The following YY1 variants were observed in gnomAD, a reference collection of about 807,000 sequenced individuals.
YY1 encodes transcriptional repressor protein YY1.
YY1 carries 2 observed loss-of-function variants against 35.6 expected under a neutral mutation model. That is an observed-to-expected ratio of 0.06 (90% CI 0.02 to 0.18). The LOEUF (loss-of-function observed/expected upper bound fraction) is 0.18. Ranked by LOEUF, YY1 falls within the 10% of genes least tolerant of loss-of-function variation. YY1 has a pLI of 1.00. For synonymous variants in YY1, 268 were observed against 238.9 expected, an observed-to-expected ratio of 1.12 and a Z score of -1.12; for missense variants, 322 against 573.4, an observed-to-expected ratio of 0.56 and a Z score of 4.48.
intron 1 of YY1, among the ~76,000 whole-genome samples, chr14:100,240,201 G>A (rs1362765241): frequency 2.1e-5 from 3 of 144,184 alleles, no homozygotes; most frequent in Non-Finnish European, 3.1e-5. Flanking sequence ...GGCGGAGACG[G>A]CCGGGGGAGG....
intron 1 of YY1, among the ~76,000 whole-genome samples, chr14:100,252,224 T>G (rs1316755703): frequency 6.6e-6 from 1 of 152,186 alleles, no homozygotes; most frequent in African/African-American, 2.4e-5. Flanking sequence ...ATTATATCTT[T>G]TTGACTGGAA....
chr14:100,245,215 C>A (rs1303857235), intron 1 of YY1, among the ~76,000 whole-genome samples: 4 of 151,616 alleles, frequency 2.6e-5, no homozygotes, highest in Non-Finnish European at 5.9e-5. Context: ...GGATTACAGG[C>A]GTGAGCCACT....
intron 2 of YY1, among the ~76,000 whole-genome samples, chr14:100,273,413 C>T (rs557514387): frequency 3.9e-5 from 6 of 152,290 alleles, no homozygotes; most frequent in South Asian, 2.1e-4. Context: ...TTCGGCTTCC[C>T]GAGTGGTTGG....
rs574973319 is a variant in YY1 at position 100,244,673 on chromosome 14, C to T, written c.679+4750C>T. 3.3e-5 allele frequency among the ~76,000 whole-genome samples: 5 copies of T among 150,912 alleles called. No individual in the cohort carries two copies. In the East Asian group the frequency reaches 5.9e-4, roughly 18 times the overall value. On this transcript the variant is annotated intron_variant, in intron 1 of 4. Transcript: ENST00000262238. ...TCACGGCTCACGGCAGCCTCAACCT[C>T]CCGGGCTGAAGCGATCCTCCCACCT...
At position 100,276,010 on chromosome 14, in the gene YY1, A is replaced by C; in HGVS notation, c.904-480A>C. The C allele has an allele frequency of 1.1e-5, 2 of 176,560 alleles. No individual in the cohort carries two copies. The highest frequency in any genetic ancestry group is 1.2e-5 in the Non-Finnish European group (1 of 82,212). 10.9% of individuals were successfully genotyped at this position (176,560 alleles called of 1,614,324 possible). ...AAGGGGAAAGAGGCAAAGAGAGAAGAGGGAACAGTAGGCGATGGAGAATGA... is the reference window on the plus strand; with the variant it reads ...AAGGGGAAAGAGGCAAAGAGAGAAGCGGGAACAGTAGGCGATGGAGAATGA... On this transcript the variant is annotated intron_variant, in intron 3 of 4. Coordinates refer to ENST00000262238, the MANE Select transcript of YY1 (RefSeq NM_003403.5). The surrounding 1 kb of genome is among the most constrained non-coding windows in gnomAD (Gnocchi z 4.1).
intron 1 of YY1, among the ~76,000 whole-genome samples, chr14:100,245,886 C>T (rs868089661): frequency 4.6e-5 from 7 of 152,114 alleles, no homozygotes; most frequent in Non-Finnish European, 8.8e-5. Context: ...GGATTACAGA[C>T]GTGAGCCACC....
chr14:100,277,957 C>T lies in YY1; in HGVS notation c.*357C>T, dbSNP rs1891349053. The T allele has an allele frequency of 4.2e-6, 1 of 236,894 alleles. No individual in the cohort carries two copies. The highest frequency in any genetic ancestry group is 5.9e-5 in the South Asian group (1 of 16,926). 14.7% of individuals were successfully genotyped at this position (236,894 alleles called of 1,614,324 possible). A position where few individuals can be genotyped will look rare whatever the true frequency, so the allele number is the denominator to read the frequency against. ...ACATTCTTATAAATATGAAGCTCAC[C>T]TGTTGCTTACAATTTTTTTAATTTT... On this transcript the variant is annotated 3_prime_UTR_variant, in exon 5 of 5. Coordinates refer to ENST00000262238, the MANE Select transcript of YY1 (RefSeq NM_003403.5). The surrounding 1 kb of genome is among the most constrained non-coding windows in gnomAD (Gnocchi z 5.6).
intron 1 of YY1, among the ~76,000 whole-genome samples, chr14:100,253,134 T>A (rs1890948447): frequency 6.6e-6 from 1 of 152,202 alleles, no homozygotes; most frequent in Non-Finnish European, 1.5e-5. Flanking sequence ...CAAGGGAAAC[T>A]CCAGCAGGGA....
chr14:100,270,544 A>G (rs1429730376), intron 2 of YY1, among the ~76,000 whole-genome samples: 1 of 151,590 alleles, frequency 6.6e-6, no homozygotes. Flanking sequence ...AATCGCTTGA[A>G]CCCAGGAGGC....
At chr14:100,258,522 A>G (rs1286978562) in intron 1 of YY1, among the ~76,000 whole-genome samples, 1 of 152,148 alleles carries the variant, frequency 6.6e-6, no homozygotes, top group Non-Finnish European at 1.5e-5. Flanking sequence ...TTAGGGGTAG[A>G]CTTCATGAGT....
chr14:100,252,733 A>G (rs1380032141), intron 1 of YY1, among the ~76,000 whole-genome samples: 4 of 152,214 alleles, frequency 2.6e-5, no homozygotes, highest in Non-Finnish European at 1.5e-5. Context: ...CTTAAGTTAT[A>G]TTGGTTAAAG....
intron 1 of YY1, among the ~76,000 whole-genome samples, chr14:100,244,535 G>A (rs570610062): frequency 1.3e-5 from 2 of 150,202 alleles, no homozygotes; most frequent in Non-Finnish European, 3.0e-5. Context: ...CACCCACCTC[G>A]GCCTCCCAAA....
chr14:100,249,756 T>TG (rs1566771324), intron 1 of YY1, among the ~76,000 whole-genome samples: 2 of 89,398 alleles, frequency 2.2e-5, no homozygotes, highest in African/African-American at 5.2e-5. Context: ...CCGTTTTTTT[T>TG]TTTGTTTGTT....
At chr14:100,271,992 T>A (rs1381667323) in intron 2 of YY1, among the ~76,000 whole-genome samples, 1 of 152,052 alleles carries the variant, frequency 6.6e-6, no homozygotes, top group Non-Finnish European at 1.5e-5. Context: ...CAATCTATAA[T>A]CCATTTACGA....
chr14:100,247,487 T>A (rs1270446398), intron 1 of YY1, among the ~76,000 whole-genome samples: 2 of 151,900 alleles, frequency 1.3e-5, no homozygotes, highest in African/African-American at 4.8e-5. Context: ...GCTCAAGCAG[T>A]CCTCCTGCCT....
chr14:100,239,535 G>A lies in YY1; in HGVS notation c.291G>A (p.Val97=), dbSNP rs758871042. 4 of 1,612,178 alleles carry A rather than the reference G, an allele frequency of 2.5e-6. No individual in the cohort carries two copies. In the East Asian group the frequency reaches 6.7e-5, roughly 27 times the overall value. ...TGGTCACCGACGACCCGACCCAGGT[G>A]CACCACCACCAGGAGGTGATCCTGG... ...QPLVTDDPTQ[V]HHHQEVILVQ... is the part of the protein sequence containing the mutation. Residue 97 remains valine, a synonymous_variant, in exon 1 of 5, where the codon GTG becomes GTA. Coordinates refer to ENST00000262238, the MANE Select transcript of YY1 (RefSeq NM_003403.5).
chr14:100,239,830 G>A lies in YY1; in HGVS notation c.586G>A (p.Gly196Ser), dbSNP rs1890700045. The A allele has an allele frequency of 2.0e-6, 3 of 1,486,444 alleles. No individual in the cohort carries two copies. The East Asian group carries it at 7.8e-5, about 38-fold the overall frequency. The allele number at this position is 1,486,444 out of a possible 1,614,324, so 92.1% of individuals were successfully genotyped here. ...LSGGAGAAGG[G>S]GADPGNKKWE... The stretch of plus-strand genomic sequence containing the variant: ...CGGCGGGGCCGGCGCGGCGGGCGGC[G>A]GCGGCGCCGACCCGGGCAACAAGAA... Residue 196 changes from glycine (G) to serine (S), a missense_variant, in exon 1 of 5, where the codon GGC becomes AGC. This residue lies in a region of YY1 where 152 missense variants were observed against 167.1 expected (regional missense o/e 0.91). Transcript: ENST00000262238.
In YY1 at chr14:100,277,324, A is replaced by G; in HGVS notation, c.1063-94A>G. The G allele has an allele frequency of 6.9e-7, 1 of 1,441,406 alleles. No homozygotes were observed. The highest frequency in any genetic ancestry group is 9.7e-7 in the Non-Finnish European group (1 of 1,026,854). 89.3% of individuals were successfully genotyped at this position (1,441,406 alleles called of 1,614,324 possible). On this transcript the variant is annotated intron_variant, in intron 4 of 4. Coordinates refer to ENST00000262238, the MANE Select transcript of YY1 (RefSeq NM_003403.5). This position sits in a 1 kb window ranked among gnomAD's most constrained non-coding sequence, Gnocchi z 5.6. ...AGGAATGAAAAGTGTTTGGTAAAAT[A>G]AATAGGCTGTTCTCTAGCAAAGCAG...
At chr14:100,248,113 T>TTTTTTTTC (rs1278177786) in intron 1 of YY1, among the ~76,000 whole-genome samples, 6 of 83,884 alleles carry the variant, frequency 7.2e-5, no homozygotes, top group Admixed American at 2.5e-4. Context: ...CCCGGCTAAT[T>TTTTTTTTC]TTTTTTTCTT....
Sources: gnomAD v4.1 joint callset for allele counts (sites outside exome capture counted in the v4.1 genomes callset) on GRCh38, gnomAD v4.1.1 for gene constraint, gnomAD v4.1.1 regional missense constraint, Gnocchi (gnomAD v3.1) non-coding constraint, MANE v1.5 for transcripts, NCBI Gene and HGNC (gene_info 2026-07-23, HGNC 2026-07-21) for gene names.